The following CNTN4 variants were observed in gnomAD, a reference collection of about 807,000 sequenced individuals.
The protein encoded by CNTN4 is contactin-4.
Under a neutral mutation model 122.5 loss-of-function variants are expected in CNTN4, and 77 were observed. That is an observed-to-expected ratio of 0.63 (90% CI 0.52 to 0.76). The LOEUF (loss-of-function observed/expected upper bound fraction) is 0.76, where lower values mean the gene tolerates loss of function less well. Among genes scored for constraint, CNTN4 ranks in the 30% least tolerant of loss-of-function variants. The pLI is 0.00. For synonymous variants in CNTN4, 512 were observed against 447.0 expected (o/e 1.15, Z -1.83); for missense variants, 1,256 against 1,259.1 (o/e 1.00, Z 0.04).
chr3:2,252,493 A>G (rs761558416), intron 2 of CNTN4, among the ~76,000 whole-genome samples: 42 of 152,062 alleles, frequency 2.8e-4, no homozygotes, highest in Non-Finnish European at 5.2e-4. Context: ...TCCATTGACT[A>G]TGTTCCATTC....
intron 3 of CNTN4, among the ~76,000 whole-genome samples, chr3:2,476,481 T>C (rs1040751118): frequency 5.3e-5 from 8 of 152,240 alleles, no homozygotes; most frequent in African/African-American, 1.9e-4. Flanking sequence ...AATGTTATAC[T>C]GTTCAGCAAT....
intron 3 of CNTN4, among the ~76,000 whole-genome samples, chr3:2,517,351 G>A (rs1395907139): frequency 6.6e-6 from 1 of 152,028 alleles, no homozygotes. Flanking sequence ...GTTTTTACAG[G>A]CTGCCAGTAA....
intron 3 of CNTN4, among the ~76,000 whole-genome samples, chr3:2,432,811 C>T: frequency 2.1e-5 from 1 of 47,852 alleles, no homozygotes; most frequent in East Asian, 8.6e-4. Flanking sequence ...GGCACACTAA[C>T]TGCTTTTTTT....
intron 2 of CNTN4, among the ~76,000 whole-genome samples, chr3:2,251,763 G>T (rs1373466424): frequency 1.3e-5 from 2 of 150,302 alleles, no homozygotes; most frequent in Non-Finnish European, 3.0e-5. Flanking sequence ...ATGTAGGTAG[G>T]TTTTTTTTTC....
At chr3:2,789,256 T>C (rs1046939032) in intron 6 of CNTN4, among the ~76,000 whole-genome samples, 1 of 152,206 alleles carries the variant, frequency 6.6e-6, no homozygotes, top group African/African-American at 2.4e-5. Flanking sequence ...TCTGAATCTG[T>C]TTTCTCACCT....
chr3:2,576,423 A>G (rs947498700), intron 4 of CNTN4, among the ~76,000 whole-genome samples: 1 of 152,176 alleles, frequency 6.6e-6, no homozygotes, highest in Non-Finnish European at 1.5e-5. Context: ...TAATCCATAC[A>G]TGTTTTTCAA....
intron 3 of CNTN4, among the ~76,000 whole-genome samples, chr3:2,519,294 G>A (rs2077129975): frequency 1.3e-5 from 2 of 152,076 alleles, no homozygotes; most frequent in Non-Finnish European, 2.9e-5. Context: ...TATTTCTTGT[G>A]TGTCTAAGGA....
At chr3:2,239,277 G>A (rs181683552) in intron 2 of CNTN4, among the ~76,000 whole-genome samples, 15 of 152,140 alleles carry the variant, frequency 9.9e-5, no homozygotes, top group Admixed American at 8.5e-4. Context: ...TGATTTATGC[G>A]GACGATCCTT....
At chr3:2,493,174 G>A (rs576110817) in intron 3 of CNTN4, among the ~76,000 whole-genome samples, 2 of 151,976 alleles carry the variant, frequency 1.3e-5, no homozygotes, top group East Asian at 3.9e-4. Flanking sequence ...ACTTTTTCTG[G>A]GTACAAAGAT....
chr3:2,965,195 A>G (rs2125043901), intron 13 of CNTN4, among the ~76,000 whole-genome samples: 1 of 152,334 alleles, frequency 6.6e-6, no homozygotes, highest in East Asian at 1.9e-4. Flanking sequence ...TTCCTCCCAC[A>G]TTCTTTGTCT....
intron 13 of CNTN4, among the ~76,000 whole-genome samples, chr3:2,929,772 A>G (rs2094504071): frequency 6.6e-6 from 1 of 152,216 alleles, no homozygotes; most frequent in Non-Finnish European, 1.5e-5. Context: ...GACGTGAGTC[A>G]TGTGCTTATC....
At chr3:2,714,033 A>G (rs546044122) in intron 4 of CNTN4, among the ~76,000 whole-genome samples, 3 of 152,270 alleles carry the variant, frequency 2.0e-5, no homozygotes, top group Admixed American at 1.3e-4. Context: ...TTTCACTACC[A>G]TTGTGGATTT....
intron 3 of CNTN4, among the ~76,000 whole-genome samples, chr3:2,520,007 C>T (rs36067464): frequency 0.14 from 20,735 of 151,804 alleles, 1,836 homozygotes; most frequent in Non-Finnish European, 0.2. Context: ...TTTTTTTAAA[C>T]CCTAATATGT....
chr3:2,205,856 G>T (rs2038317999), intron 2 of CNTN4, among the ~76,000 whole-genome samples: 1 of 151,966 alleles, frequency 6.6e-6, no homozygotes, highest in African/African-American at 2.4e-5. Context: ...TGGATAAAAT[G>T]GTGTATCCTA....
intron 2 of CNTN4, among the ~76,000 whole-genome samples, chr3:2,196,842 C>T (rs758577800): frequency 2.0e-5 from 3 of 151,744 alleles, no homozygotes; most frequent in African/African-American, 4.8e-5. Flanking sequence ...GTCGGAAGTT[C>T]GAGACCAGCC....
chr3:2,736,795 T>TTTAC (rs890301281), intron 5 of CNTN4, among the ~76,000 whole-genome samples: 4 of 151,108 alleles, frequency 2.6e-5, no homozygotes, highest in African/African-American at 9.7e-5. Flanking sequence ...TATTTATTTA[T>TTTAC]TTATTTATTT....
intron 2 of CNTN4, among the ~76,000 whole-genome samples, chr3:2,159,238 TTAAG>T (rs781077991): frequency 1.8e-4 from 28 of 152,284 alleles, no homozygotes; most frequent in Non-Finnish European, 3.2e-4. Context: ...CATTGCTCTC[TTAAG>T]TATTTTTTGC....
At chr3:2,633,564 A>C (rs545999102) in intron 4 of CNTN4, among the ~76,000 whole-genome samples, 2 of 152,340 alleles carry the variant, frequency 1.3e-5, no homozygotes, top group African/African-American at 4.8e-5. Context: ...AATGCAGTAG[A>C]TCTTTTAATT....
At chr3:2,509,296 A>T (rs2076819363) in intron 3 of CNTN4, among the ~76,000 whole-genome samples, 1 of 152,248 alleles carries the variant, frequency 6.6e-6, no homozygotes, top group Non-Finnish European at 1.5e-5. Context: ...AATGAGCCTG[A>T]TAAAAAATAA....
Sources: allele counts gnomAD v4.1 joint callset (sites outside exome capture counted in the v4.1 genomes callset), GRCh38; gene constraint gnomAD v4.1.1; transcripts MANE v1.5; gene names NCBI Gene and HGNC (gene_info 2026-07-23, HGNC 2026-07-21).